Variants in CSMD1 observed in about 807,000 individuals in gnomAD.
The protein encoded by CSMD1 is CUB and Sushi multiple domains 1, also known as CUB and sushi domain-containing protein 1.
Under a neutral mutation model 417.5 loss-of-function variants are expected in CSMD1, and 213 were observed. The ratio of observed to expected loss-of-function variants is 0.51; its 90% CI spans 0.46 to 0.57. The LOEUF (loss-of-function observed/expected upper bound fraction) is 0.57, where lower values mean the gene tolerates loss of function less well. Among genes scored for constraint, CSMD1 ranks in the 20% least tolerant of loss-of-function variants. The probability of loss-of-function intolerance (pLI) is 0.00; values close to 1 mark genes in which losing one functional copy is unlikely to be tolerated. For missense variants in CSMD1, 6,923 were observed against 4,529.7 expected, an observed-to-expected ratio of 1.53 and a Z score of -15.17; for synonymous variants, 2,862 against 1,736.8, an observed-to-expected ratio of 1.65 and a Z score of -16.11.
chr8:4,417,268 T>G, intron 3 of CSMD1, among the ~76,000 whole-genome samples: 1 of 152,040 alleles, frequency 6.6e-6, no homozygotes, highest in East Asian at 1.9e-4. Flanking sequence ...CTATTTTAAT[T>G]TGTTTCTATT....
At chr8:4,030,813 C>A (rs1286272089) in intron 4 of CSMD1, among the ~76,000 whole-genome samples, 1 of 152,186 alleles carries the variant, frequency 6.6e-6, no homozygotes, top group African/African-American at 2.4e-5. Context: ...GAAAGCTTTA[C>A]AGCACCCAAG....
intron 1 of CSMD1, among the ~76,000 whole-genome samples, chr8:4,786,781 G>A (rs1296934977): frequency 1.3e-5 from 2 of 151,734 alleles, no homozygotes; most frequent in Admixed American, 6.6e-5. Flanking sequence ...CAAACTTCAA[G>A]CATGCATACA....
intron 42 of CSMD1, among the ~76,000 whole-genome samples, chr8:3,111,855 C>A (rs145878400): frequency 0.017 from 2,554 of 152,034 alleles, 39 homozygotes; most frequent in Non-Finnish European, 0.023. Flanking sequence ...ATAATGGGAC[C>A]ATAAACCATG....
intron 5 of CSMD1, among the ~76,000 whole-genome samples, chr8:3,898,547 A>G (rs1039975950): frequency 6.6e-6 from 1 of 152,248 alleles, no homozygotes; most frequent in Non-Finnish European, 1.5e-5. Flanking sequence ...GTCACAATAA[A>G]CATAAATCTA....
intron 5 of CSMD1, among the ~76,000 whole-genome samples, chr8:3,865,153 G>T (rs981950118): frequency 6.6e-6 from 1 of 152,314 alleles, no homozygotes; most frequent in African/African-American, 2.4e-5. Context: ...TTCCAGCTCA[G>T]GCTCCGATTC....
rs1474874697 is a variant in CSMD1, at chr8:4,383,927, T to C, written c.415+36026A>G. On this transcript the variant is annotated intron_variant, in intron 3 of 69. Transcript: ENST00000635120. ...ATAAATGTTTATAAATATGATACCGTGAAGAAAAATGCGTTCTCTTTTATG... is the reference window on the plus strand; with the variant it reads ...ATAAATGTTTATAAATATGATACCGCGAAGAAAAATGCGTTCTCTTTTATG... Among the ~76,000 whole-genome samples, 4 of 152,196 alleles carry C rather than the reference T, an allele frequency of 2.6e-5. No homozygotes were observed. The South Asian group carries it at 6.2e-4, about 24-fold the overall frequency.
chr8:4,400,775 T>C (rs1804591491), intron 3 of CSMD1, among the ~76,000 whole-genome samples: 1 of 151,594 alleles, frequency 6.6e-6, no homozygotes, highest in Admixed American at 6.6e-5. Flanking sequence ...TTTTTTTTTT[T>C]TCCTTTTTAA....
intron 1 of CSMD1, among the ~76,000 whole-genome samples, chr8:4,722,201 A>G (rs1809104010): frequency 6.6e-6 from 1 of 152,140 alleles, no homozygotes; most frequent in Admixed American, 6.6e-5. Flanking sequence ...GGAGGTGATT[A>G]AATATATTAA....
chr8:4,133,698 A>T lies in CSMD1; in HGVS notation c.416-101599T>A, dbSNP rs1234273402. 8.7e-5 allele frequency among the ~76,000 whole-genome samples: 5 copies of T among 57,412 alleles called. No homozygotes were observed. The East Asian group carries it at 3.0e-3, about 34-fold the overall frequency. The allele number at this position is 57,412 out of a possible 152,430, so 37.7% of individuals were successfully genotyped here. Reference sequence around the variant, plus strand: ...TATGTACAAACATTTTTACACCATAATACATAAAGTGTAATCTCAAGACTG... The same window carrying T: ...TATGTACAAACATTTTTACACCATATTACATAAAGTGTAATCTCAAGACTG... On this transcript the variant is annotated intron_variant, in intron 3 of 69. Transcript: ENST00000635120.
At chr8:4,100,478 C>G (rs187318837) in intron 3 of CSMD1, among the ~76,000 whole-genome samples, 3 of 152,254 alleles carry the variant, frequency 2.0e-5, no homozygotes, top group East Asian at 1.9e-4. Flanking sequence ...CTTAACTTTT[C>G]TAAGCCTTAG....
intron 5 of CSMD1, among the ~76,000 whole-genome samples, chr8:3,778,132 T>C (rs1278369050): frequency 2.6e-5 from 4 of 152,186 alleles, no homozygotes; most frequent in Non-Finnish European, 2.9e-5. Flanking sequence ...TGAGACTCAG[T>C]TTGGAGTCAG....
intron 3 of CSMD1, among the ~76,000 whole-genome samples, chr8:4,220,501 A>G (rs1022798869): frequency 5.9e-5 from 9 of 152,124 alleles, no homozygotes; most frequent in African/African-American, 2.2e-4. Context: ...TGTGTAAGAA[A>G]TATCTAATCC....
intron 3 of CSMD1, among the ~76,000 whole-genome samples, chr8:4,359,520 A>G (rs1409483844): frequency 1.3e-5 from 2 of 152,218 alleles, no homozygotes; most frequent in Admixed American, 1.3e-4. Context: ...CAACCTTGCA[A>G]ATAGAGATGT....
At chr8:3,549,849 A>G (rs74672072) in intron 10 of CSMD1, among the ~76,000 whole-genome samples, 2,920 of 152,310 alleles carry the variant, frequency 0.019, 79 homozygotes, top group East Asian at 0.054. Flanking sequence ...TGTTACAAGC[A>G]ACAGACAGTG....
intron 3 of CSMD1, among the ~76,000 whole-genome samples, chr8:4,231,842 G>C (rs936744352): frequency 1.3e-5 from 2 of 152,166 alleles, no homozygotes; most frequent in Admixed American, 6.5e-5. Context: ...CAGAATATCT[G>C]TACATGTATA....
chr8:4,743,015 A>C (rs1175287668), intron 1 of CSMD1, among the ~76,000 whole-genome samples: 2 of 152,226 alleles, frequency 1.3e-5, no homozygotes, highest in Admixed American at 6.5e-5. Flanking sequence ...CTGTGTTTGG[A>C]GAATTACAGC....
In CSMD1 at chr8:3,437,553, G is replaced by C. The variant is rs139848392; in HGVS notation, c.1562-27948C>G. Among the ~76,000 whole-genome samples, 50 of 152,166 alleles carry C rather than the reference G, an allele frequency of 3.3e-4. 1 individual carries two copies. The East Asian group carries it at 9.5e-3, about 29-fold the overall frequency. On this transcript the variant is annotated intron_variant, in intron 12 of 69. Transcript: ENST00000635120. ...CTTCAACAGAGGCCAACGTATCCAGGGAAAAACTGGACTGCAGGAGCCCAT... is the reference window on the plus strand; with the variant it reads ...CTTCAACAGAGGCCAACGTATCCAGCGAAAAACTGGACTGCAGGAGCCCAT...
chr8:4,158,018 C>A (rs78388429), intron 3 of CSMD1, among the ~76,000 whole-genome samples: 4,722 of 152,166 alleles, frequency 0.031, 129 homozygotes, highest in Non-Finnish European at 0.048. Context: ...TGCCCCCATA[C>A]ACGGAACCAA....
At chr8:4,942,743 A>C (rs1808093598) in intron 1 of CSMD1, among the ~76,000 whole-genome samples, 1 of 152,224 alleles carries the variant, frequency 6.6e-6, no homozygotes, top group Non-Finnish European at 1.5e-5. Context: ...ACCTTCATCA[A>C]CACAGACAGG....
Sources: gnomAD v4.1 joint callset for allele counts (sites outside exome capture counted in the v4.1 genomes callset) on GRCh38, gnomAD v4.1.1 for gene constraint, MANE v1.5 for transcripts, NCBI Gene and HGNC (gene_info 2026-07-23, HGNC 2026-07-21) for gene names.